Variants in RUFY1 observed in about 807,000 individuals in gnomAD.
RUFY1 encodes RUN and FYVE domain containing 1.
RUFY1 carries 54 observed loss-of-function variants against 94.6 expected under a neutral mutation model. That is an observed-to-expected ratio of 0.57 (90% CI 0.46 to 0.72). The LOEUF (loss-of-function observed/expected upper bound fraction) is 0.72. RUFY1 is among the 30% of genes least tolerant of loss of function. The pLI is 0.00. For missense variants in RUFY1, 883 were observed against 883.9 expected (o/e 1.00, Z 0.01); for synonymous variants, 396 against 347.3 (o/e 1.14, Z -1.56).
intron 15 of RUFY1, among the ~76,000 whole-genome samples, chr5:179,603,009 T>C (rs1370172532): frequency 1.3e-5 from 2 of 152,172 alleles, no homozygotes; most frequent in African/African-American, 4.8e-5. Context: ...GGCTCACGCC[T>C]GTAATCTCAG....
Position 179,596,625 on chromosome 5 carries a change from G to A in RUFY1, c.1575G>A (p.Glu525=). ...AGCGGAGCCACAAGCTGCAGCAGGA[G>A]CTGGGCGGGAGGATCGGCGCCCTGC... ...AEERSHKLQQ[E]LGGRIGALQL... The change falls in exon 13 of 18, where the codon GAG becomes GAA. Residue 525 remains glutamate, a synonymous_variant. Coordinates refer to ENST00000319449, the MANE Select transcript of RUFY1 (RefSeq NM_025158.5). 1.2e-6 allele frequency: 2 copies of A among 1,613,040 alleles called. No homozygotes were observed. The highest frequency in any genetic ancestry group is 1.7e-6 in the Non-Finnish European group (2 of 1,179,922).
chr5:179,566,498 C>T (rs529817478), intron 3 of RUFY1, among the ~76,000 whole-genome samples: 2 of 151,810 alleles, frequency 1.3e-5, no homozygotes, highest in African/African-American at 4.8e-5. Context: ...CCCAGCTACT[C>T]GGGAGGCTGA....
intron 5 of RUFY1, among the ~76,000 whole-genome samples, chr5:179,571,365 G>A (rs1763211921): frequency 6.6e-6 from 1 of 152,082 alleles, no homozygotes; most frequent in Non-Finnish European, 1.5e-5. Context: ...GAGCATGGTG[G>A]CATGCTGTCT....
intron 8 of RUFY1, among the ~76,000 whole-genome samples, chr5:179,587,705 A>G (rs1270390190): frequency 6.7e-6 from 1 of 150,130 alleles, no homozygotes; most frequent in Non-Finnish European, 1.5e-5. Flanking sequence ...CAGCCAGGTT[A>G]TGTTTTCTTT....
In RUFY1 at chr5:179,596,632, G is replaced by T; in HGVS notation, c.1582G>T (p.Gly528Trp). The change falls in exon 13 of 18, where the codon GGG becomes TGG. Residue 528 changes from glycine to tryptophan, a missense_variant. Gly to Trp is a radical substitution (Grantham distance 184). Coordinates refer to ENST00000319449, the MANE Select transcript of RUFY1 (RefSeq NM_025158.5). ...RSHKLQQELG[G>W]RIGALQLQLS... ...CCACAAGCTGCAGCAGGAGCTGGGC[G>T]GGAGGATCGGCGCCCTGCAGCTGCA... 1 of 1,612,230 alleles carries T rather than the reference G, an allele frequency of 6.2e-7. No homozygotes were observed. Among genetic ancestry groups the T allele is most frequent in the Non-Finnish European group, 8.5e-7 (1 of 1,179,638 alleles).
intron 6 of RUFY1, among the ~76,000 whole-genome samples, chr5:179,579,151 AG>A (rs1436288239): frequency 1.3e-5 from 2 of 152,114 alleles, no homozygotes; most frequent in Non-Finnish European, 2.9e-5. Flanking sequence ...TGTCTTCCTG[AG>A]GACTCTCACG....
chr5:179,586,443 G>C (rs541610987), intron 8 of RUFY1: 5 of 456,602 alleles, frequency 1.1e-5, no homozygotes, highest in South Asian at 4.6e-5. Flanking sequence ...TTAGCAGGAG[G>C]GGGGTGCTCA....
At chr5:179,577,258 G>C (rs1026715350) in intron 6 of RUFY1, 122 bp downstream of exon 6, 1 of 580,178 alleles carries the variant, frequency 1.7e-6, no homozygotes, top group African/African-American at 2.2e-5. Flanking sequence ...TGCAACCTCC[G>C]CCTCCCGGGT....
intron 8 of RUFY1, among the ~76,000 whole-genome samples, chr5:179,588,787 G>A (rs1053966444): frequency 6.6e-6 from 1 of 152,110 alleles, no homozygotes; most frequent in Non-Finnish European, 1.5e-5. Flanking sequence ...CTGGAGTGCG[G>A]TGGCATGATC....
intron 14 of RUFY1, 39 bp downstream of exon 14, chr5:179,598,860 G>C: frequency 6.2e-7 from 1 of 1,612,260 alleles, no homozygotes; most frequent in Non-Finnish European, 8.5e-7. Context: ...GCCTCTGGCA[G>C]CCTCCAGAAA....
chr5:179,552,345 C>G (rs1761907492), intron 1 of RUFY1, among the ~76,000 whole-genome samples: 1 of 152,084 alleles, frequency 6.6e-6, no homozygotes. Flanking sequence ...CAAGGAGCAT[C>G]ATAGCACACA....
chr5:179,589,366 C>G (rs1764855876), intron 8 of RUFY1, 180 bp from the exon 9 acceptor site: 2 of 566,686 alleles, frequency 3.5e-6, no homozygotes, highest in Admixed American at 3.1e-5. Flanking sequence ...GATTTTACTA[C>G]ATACATTTTC....
chr5:179,585,893 A>G, intron 8 of RUFY1, 28 bp downstream of exon 8: 2 of 1,546,980 alleles, frequency 1.3e-6, no homozygotes, highest in Non-Finnish European at 1.8e-6. Flanking sequence ...AAATTTTTAG[A>G]CAAAACAGAA....
chr5:179,596,865 C>G, intron 13 of RUFY1, 184 bp downstream of exon 13: 1 of 733,074 alleles, frequency 1.4e-6, no homozygotes, highest in East Asian at 3.0e-5. Flanking sequence ...TCCCTCCCCA[C>G]AGGGCTCCTC....
At chr5:179,565,998 G>A (rs1581441491) in intron 3 of RUFY1, among the ~76,000 whole-genome samples, 2 of 152,102 alleles carry the variant, frequency 1.3e-5, no homozygotes, top group East Asian at 1.9e-4. Context: ...AAATTAGTTG[G>A]GTGTGGTAGC....
At chr5:179,608,040 G>T (rs1194357656) in intron 17 of RUFY1, among the ~76,000 whole-genome samples, 1 of 152,148 alleles carries the variant, frequency 6.6e-6, no homozygotes, top group Non-Finnish European at 1.5e-5. Flanking sequence ...GAACCTACAG[G>T]GCAGCAGGTC....
chr5:179,601,969 G>C lies in RUFY1; in HGVS notation c.1839G>C (p.Met613Ile), dbSNP rs1419147452. The C allele has an allele frequency of 6.2e-7, 1 of 1,613,708 alleles. No individual in the cohort carries two copies. Among genetic ancestry groups the C allele is most frequent in the Non-Finnish European group, 8.5e-7 (1 of 1,179,804 alleles). Residue 613 changes from methionine (M) to isoleucine (I), a missense_variant, in exon 15 of 18, where the codon ATG becomes ATC. Transcript: ENST00000319449. ...CEEQEQALQE[M>I]GLHLSQSKLK... ...AGCAGGAACAAGCCCTCCAGGAAAT[G>C]GGCCTGCACCTCAGCCAGTAAGAAC...
rs757072772 is a variant in RUFY1 at position 179,577,059 on chromosome 5, A to G, written c.829-16A>G. 6.5e-7 allele frequency: 1 copy of G among 1,530,004 alleles called. No individual in the cohort carries two copies. The highest frequency in any genetic ancestry group is 9.0e-7 in the Non-Finnish European group (1 of 1,114,304). 94.8% of individuals were successfully genotyped at this position (1,530,004 alleles called of 1,614,324 possible). ...TAGGACATTTTATTTAAACTTGTGCATTTTATTTCGTTTAGGTTGGAGTAA... is the reference window on the plus strand; with the variant it reads ...TAGGACATTTTATTTAAACTTGTGCGTTTTATTTCGTTTAGGTTGGAGTAA... On this transcript the variant is annotated splice_polypyrimidine_tract_variant and intron_variant, in intron 5 of 17. Coordinates refer to ENST00000319449, the MANE Select transcript of RUFY1 (RefSeq NM_025158.5).
At position 179,580,239 on chromosome 5, in the gene RUFY1, G is replaced by GTATATATA. The variant is rs1390515466; in HGVS notation, c.891-707_891-706insATATATAT. Among the ~76,000 whole-genome samples, 14 of 51,284 alleles carry GTATATATA rather than the reference G, an allele frequency of 2.7e-4. No homozygotes were observed. In the East Asian group the frequency reaches 4.6e-3, roughly 17 times the overall value. 33.6% of individuals were successfully genotyped at this position (51,284 alleles called of 152,430 possible). ...TGTGTGTGTGTGTGTGTGTGTGTGT[G>GTATATATA]TGTATATTTTTTTTTTTTTTTGAGA... On this transcript the variant is annotated intron_variant, in intron 6 of 17. Coordinates refer to ENST00000319449, the MANE Select transcript of RUFY1 (RefSeq NM_025158.5).
Sources: gnomAD v4.1 joint callset for allele counts (sites outside exome capture counted in the v4.1 genomes callset) on GRCh38, gnomAD v4.1.1 for gene constraint, MANE v1.5 for transcripts, NCBI Gene and HGNC (gene_info 2026-07-23, HGNC 2026-07-21) for gene names.